The following SLC4A5 variants were observed in gnomAD, a reference collection of about 807,000 sequenced individuals.
SLC4A5 encodes electrogenic sodium bicarbonate cotransporter 4.
In SLC4A5, 96 loss-of-function variants were observed where a neutral mutation model predicts 120.4. The observed-to-expected ratio is 0.80, with a 90% CI of 0.68 to 0.94. The LOEUF (loss-of-function observed/expected upper bound fraction) is 0.94. Among genes scored for constraint, SLC4A5 ranks in the 40% least tolerant of loss-of-function variants. The pLI is 0.00. For missense variants in SLC4A5, 1,259 were observed against 1,459.5 expected, an observed-to-expected ratio of 0.86 and a Z score of 2.24; for synonymous variants, 550 against 571.1, an observed-to-expected ratio of 0.96 and a Z score of 0.53.
chr2:74,302,565 C>A (rs945587273), intron 7 of SLC4A5, among the ~76,000 whole-genome samples: 1 of 152,194 alleles, frequency 6.6e-6, no homozygotes, highest in Non-Finnish European at 1.5e-5. Context: ...TGTAGTGAGC[C>A]GAGATCGCGC....
chr2:74,259,429 A>T (rs1290142160), intron 12 of SLC4A5, among the ~76,000 whole-genome samples, 159 bp downstream of exon 12: 1 of 152,196 alleles, frequency 6.6e-6, no homozygotes, highest in Non-Finnish European at 1.5e-5. Flanking sequence ...GCCTTGGCAA[A>T]GTCCCCCAGG....
intron 6 of SLC4A5, among the ~76,000 whole-genome samples, chr2:74,312,826 G>C (rs182377932): frequency 6.6e-6 from 1 of 152,010 alleles, no homozygotes; most frequent in Non-Finnish European, 1.5e-5. Flanking sequence ...CCAGCTACTC[G>C]GGAGGCTGAG....
At chr2:74,342,011 C>T (rs148686121) in intron 2 of SLC4A5, among the ~76,000 whole-genome samples, 4 of 152,314 alleles carry the variant, frequency 2.6e-5, no homozygotes, top group African/African-American at 2.4e-5. Context: ...TATAAAATTG[C>T]TCAAATTATG....
chr2:74,227,359 A>T (rs1174952723), intron 26 of SLC4A5, among the ~76,000 whole-genome samples: 1 of 152,254 alleles, frequency 6.6e-6, no homozygotes, highest in Non-Finnish European at 1.5e-5. Context: ...AGCTGGCCAC[A>T]AAATGGACAT....
chr2:74,331,375 AGGT>A (rs747711760), intron 4 of SLC4A5, among the ~76,000 whole-genome samples: 20 of 151,566 alleles, frequency 1.3e-4, no homozygotes, highest in Non-Finnish European at 3.0e-4. Flanking sequence ...GGTAGTGGTG[AGGT>A]GTGGATGAGG....
chr2:74,317,850 T>G (rs1291322653), intron 5 of SLC4A5, among the ~76,000 whole-genome samples: 1 of 152,214 alleles, frequency 6.6e-6, no homozygotes, highest in Non-Finnish European at 1.5e-5. Flanking sequence ...ACTGTAAGTC[T>G]ATCATTCAAC....
At chr2:74,338,221 A>C (rs1470954412) in intron 3 of SLC4A5, among the ~76,000 whole-genome samples, 1 of 152,118 alleles carries the variant, frequency 6.6e-6, no homozygotes, top group East Asian at 1.9e-4. Context: ...TGGAGGCCTG[A>C]TTTTGTTTGG....
At chr2:74,233,454 A>G in exon 23 of SLC4A5, 2 of 1,614,252 alleles carry the variant, frequency 1.2e-6, no homozygotes, top group Non-Finnish European at 1.7e-6. Flanking sequence ...CTGCTGGTCC[A>G]TGAAGATCAG....
At chr2:74,307,413 G>A in intron 6 of SLC4A5, 1 of 642,594 alleles carries the variant, frequency 1.6e-6, no homozygotes. Flanking sequence ...CTCGATCTCT[G>A]TCTCCAGCTA....
At chr2:74,282,163 G>T (rs560022518) in intron 8 of SLC4A5, among the ~76,000 whole-genome samples, 1 of 152,330 alleles carries the variant, frequency 6.6e-6, no homozygotes, top group Admixed American at 6.5e-5. Flanking sequence ...AAACTGTTCA[G>T]GCCCATGGTG....
intron 3 of SLC4A5, among the ~76,000 whole-genome samples, chr2:74,338,459 G>C (rs949127180): frequency 4.6e-5 from 7 of 152,194 alleles, no homozygotes; most frequent in African/African-American, 1.7e-4. Context: ...ACATCTACTT[G>C]CCAGTGAGAT....
chr2:74,222,760 C>T lies in SLC4A5; in HGVS notation c.3331+108G>A, dbSNP rs762269417. 6.1e-4 allele frequency: 630 copies of T among 1,038,508 alleles called. 1 individual carries two copies. The highest frequency in any genetic ancestry group is 8.8e-4 in the Non-Finnish European group (590 of 671,624). The allele number at this position is 1,038,508 out of a possible 1,614,324, so 64.3% of individuals were successfully genotyped here. A position where few individuals can be genotyped will look rare whatever the true frequency, so the allele number is the denominator to read the frequency against. ...GACAAAAAAGTTGGGGACTGCTGCT[C>T]TAGCATCCAAAATGATTAGATCCCC... On this transcript the variant is annotated intron_variant, in intron 29 of 30. Coordinates refer to ENST00000394019, the Ensembl canonical transcript of SLC4A5.
intron 5 of SLC4A5, among the ~76,000 whole-genome samples, chr2:74,318,409 G>C (rs1433824389): frequency 6.6e-6 from 1 of 152,176 alleles, no homozygotes; most frequent in East Asian, 1.9e-4. Flanking sequence ...TCTAGGCCTG[G>C]CGAGGTGGCT....
chr2:74,298,439 T>G (rs1251979236), intron 7 of SLC4A5, among the ~76,000 whole-genome samples: 1 of 152,164 alleles, frequency 6.6e-6, no homozygotes, highest in African/African-American at 2.4e-5. Context: ...GATTAAAGGC[T>G]TAAATGTAAG....
At chr2:74,314,892 G>A (rs1573095421) in intron 6 of SLC4A5, 53 bp downstream of exon 6, 2 of 1,500,972 alleles carry the variant, frequency 1.3e-6, no homozygotes, top group Admixed American at 3.3e-5. Context: ...AAGACATTCA[G>A]AGAATTCTCA....
At chr2:74,302,583 C>T (rs112997296) in intron 7 of SLC4A5, among the ~76,000 whole-genome samples, 2 of 152,362 alleles carry the variant, frequency 1.3e-5, no homozygotes, top group African/African-American at 4.8e-5. Flanking sequence ...CGCCACTTAA[C>T]TCTAGCCTGG....
Position 74,243,258 on chromosome 2 carries a change from A to T in SLC4A5, c.2060-1206T>A, listed in dbSNP as rs1054588311. Reference sequence around the variant, plus strand: ...GGACCCTTCTGCTCCCCCGTTCTGCAGTCTGTCCTTCCTTTGCTCCTCATT... The same window carrying T: ...GGACCCTTCTGCTCCCCCGTTCTGCTGTCTGTCCTTCCTTTGCTCCTCATT... On this transcript the variant is annotated intron_variant, in intron 19 of 30. Transcript: ENST00000394019. 3.9e-5 allele frequency among the ~76,000 whole-genome samples: 6 copies of T among 152,284 alleles called. No individual in the cohort carries two copies. The East Asian group carries it at 1.2e-3, about 29-fold the overall frequency.
intron 5 of SLC4A5, among the ~76,000 whole-genome samples, chr2:74,324,657 G>C (rs985667769): frequency 2.0e-5 from 3 of 152,178 alleles, no homozygotes; most frequent in African/African-American, 7.2e-5. Flanking sequence ...CCAGTATGGT[G>C]TGAAGAGTAC....
At chr2:74,282,757 G>A (rs1030117168) in intron 8 of SLC4A5, among the ~76,000 whole-genome samples, 2 of 152,342 alleles carry the variant, frequency 1.3e-5, no homozygotes, top group African/African-American at 4.8e-5. Context: ...ATAGGCCCTC[G>A]TGGAGGGTCT....
Sources: gnomAD v4.1 joint callset for allele counts (sites outside exome capture counted in the v4.1 genomes callset) on GRCh38, gnomAD v4.1.1 for gene constraint, MANE v1.5 for transcripts, NCBI Gene and HGNC (gene_info 2026-07-23, HGNC 2026-07-21) for gene names.